The following NCALD variants were observed in gnomAD, a reference collection of about 807,000 sequenced individuals.
NCALD encodes the protein neurocalcin-delta.
In NCALD, 10 loss-of-function variants were observed where a neutral mutation model predicts 18.6. The ratio of observed to expected loss-of-function variants is 0.54; its 90% CI spans 0.33 to 0.91. The LOEUF is 0.91. Ranked by LOEUF, NCALD falls within the 40% of genes least tolerant of loss-of-function variation. The probability of loss-of-function intolerance (pLI) is 0.03; values close to 1 mark genes in which losing one functional copy is unlikely to be tolerated. For synonymous variants in NCALD, 88 were observed against 87.4 expected, an observed-to-expected ratio of 1.01 and a Z score of -0.04; for missense variants, 184 against 247.6, an observed-to-expected ratio of 0.74 and a Z score of 1.72.
chr8:102,036,842 ACACT>A (rs1232546918), intron 1 of NCALD, among the ~76,000 whole-genome samples: 1 of 152,154 alleles, frequency 6.6e-6, no homozygotes, highest in African/African-American at 2.4e-5. Context: ...GGGGAAACAG[ACACT>A]CAATACCACA....
chr8:101,924,067 C>T (rs1818257713), intron 2 of NCALD, among the ~76,000 whole-genome samples: 1 of 152,144 alleles, frequency 6.6e-6, no homozygotes. Flanking sequence ...CAGCCTAGGC[C>T]TCCCAACTTC....
At chr8:101,933,967 G>A (rs575485) in intron 2 of NCALD, among the ~76,000 whole-genome samples, 27,384 of 152,072 alleles carry the variant, frequency 0.18, 2,583 homozygotes, top group East Asian at 0.26. Flanking sequence ...AAGGGGATTT[G>A]ATATGCAAAT....
At chr8:101,698,849 C>G (rs1316224142) in intron 2 of NCALD, among the ~76,000 whole-genome samples, 1 of 152,094 alleles carries the variant, frequency 6.6e-6, no homozygotes, top group African/African-American at 2.4e-5. Flanking sequence ...CTAGGCAATA[C>G]CATTCAGGAC....
rs562512623 is a variant in NCALD, at chr8:101,828,550, A to C, written c.-20+58591T>G. Among the ~76,000 whole-genome samples, 33 of 107,742 alleles carry C rather than the reference A, an allele frequency of 3.1e-4. 1 individual carries two copies. The South Asian group carries it at 9.6e-3, about 31-fold the overall frequency. 70.7% of individuals were successfully genotyped at this position (107,742 alleles called of 152,430 possible). ...TGCAATGTATTCCTTGGCACTCCCT[A>C]ATTTCCTTCTTTTTTTTTTTTGCCC... is the stretch of plus-strand genomic sequence containing the variant. On this transcript the variant is annotated intron_variant, in intron 4 of 6. Coordinates refer to the NCALD transcript ENST00000311028.
chr8:101,931,494 A>G (rs1289469404), intron 2 of NCALD, among the ~76,000 whole-genome samples: 2 of 152,230 alleles, frequency 1.3e-5, no homozygotes, highest in Non-Finnish European at 2.9e-5. Context: ...ACACTCAAGT[A>G]AAACGTGTGC....
chr8:101,707,458 G>A (rs1212685659), intron 2 of NCALD, among the ~76,000 whole-genome samples: 1 of 152,162 alleles, frequency 6.6e-6, no homozygotes, highest in African/African-American at 2.4e-5. Context: ...TCATCTGGCT[G>A]CTGTATAGAT....
At chr8:101,908,653 C>T (rs1817690652) in intron 3 of NCALD, among the ~76,000 whole-genome samples, 2 of 152,146 alleles carry the variant, frequency 1.3e-5, no homozygotes, top group Admixed American at 6.5e-5. Flanking sequence ...AAGCACTGAG[C>T]ATGTACTCAT....
chr8:102,096,188 A>G (rs947167182), intron 1 of NCALD, among the ~76,000 whole-genome samples: 3 of 152,208 alleles, frequency 2.0e-5, no homozygotes, highest in Non-Finnish European at 4.4e-5. Context: ...CAGGCTGAAG[A>G]GCAAAGATCA....
At chr8:102,002,100 A>C (rs1821496758) in intron 2 of NCALD, among the ~76,000 whole-genome samples, 1 of 152,248 alleles carries the variant, frequency 6.6e-6, no homozygotes, top group Non-Finnish European at 1.5e-5. Flanking sequence ...TAAAGAGTCA[A>C]GACCCATCAG....
intron 1 of NCALD, among the ~76,000 whole-genome samples, chr8:101,779,015 C>A (rs1412504977): frequency 1.3e-5 from 2 of 152,108 alleles, no homozygotes; most frequent in African/African-American, 4.8e-5. Flanking sequence ...ATCAAAATGG[C>A]AGCAGACTCT....
At chr8:102,046,424 C>G (rs1449897427) in intron 1 of NCALD, among the ~76,000 whole-genome samples, 1 of 152,164 alleles carries the variant, frequency 6.6e-6, no homozygotes, top group Admixed American at 6.5e-5. Context: ...ATTAATTTTA[C>G]CAGCTAGATA....
At chr8:101,839,745 C>T (rs1814563124) in intron 4 of NCALD, among the ~76,000 whole-genome samples, 1 of 151,860 alleles carries the variant, frequency 6.6e-6, no homozygotes, top group Non-Finnish European at 1.5e-5. Flanking sequence ...TAAATCAAGC[C>T]GAGGAGGTGG....
At chr8:101,698,036 C>T (rs1444684646) in intron 2 of NCALD, among the ~76,000 whole-genome samples, 1 of 152,120 alleles carries the variant, frequency 6.6e-6, no homozygotes, top group Non-Finnish European at 1.5e-5. Context: ...TTAGAAAACC[C>T]CATCATCTCA....
At chr8:102,003,354 C>A (rs569301743) in intron 2 of NCALD, among the ~76,000 whole-genome samples, 3 of 152,324 alleles carry the variant, frequency 2.0e-5, no homozygotes, top group Admixed American at 6.5e-5. Context: ...TCTGAATAGT[C>A]CAATAACAGG....
chr8:101,823,013 T>A (rs1190171303), intron 4 of NCALD, among the ~76,000 whole-genome samples: 1 of 152,198 alleles, frequency 6.6e-6, no homozygotes, highest in Non-Finnish European at 1.5e-5. Context: ...ATCAGAATCA[T>A]ATTCGACCCA....
chr8:101,689,999 A>T lies in NCALD; in HGVS notation c.485-593T>A, dbSNP rs1171234709. 6.6e-6 allele frequency among the ~76,000 whole-genome samples: 1 copy of T among 152,194 alleles called. No homozygotes were observed. Among genetic ancestry groups the T allele is most frequent in the Non-Finnish European group, 1.5e-5 (1 of 68,038 alleles). ...GTGCCTCCATCTGAGGTCAGGGAAGAGCAGGGTATGTTCAAGGCAGAGGGT... is the reference window on the plus strand; with the variant it reads ...GTGCCTCCATCTGAGGTCAGGGAAGTGCAGGGTATGTTCAAGGCAGAGGGT... On this transcript the variant is annotated intron_variant, in intron 3 of 3. Transcript: ENST00000220931. This position sits in a 1 kb window ranked among gnomAD's most constrained non-coding sequence, Gnocchi z 4.4.
At chr8:101,860,821 G>A (rs1687748457) in intron 4 of NCALD, among the ~76,000 whole-genome samples, 4 of 152,186 alleles carry the variant, frequency 2.6e-5, no homozygotes, top group Middle Eastern at 3.4e-3. Context: ...TTGAAAAATC[G>A]AGAAACAGCA....
chr8:101,815,164 A>G (rs1813445497), intron 4 of NCALD, among the ~76,000 whole-genome samples: 1 of 152,148 alleles, frequency 6.6e-6, no homozygotes, highest in Non-Finnish European at 1.5e-5. Context: ...TAGCCAGCCA[A>G]CATTGAAGGA....
At chr8:102,024,574 G>T (rs1822389405) in intron 1 of NCALD, among the ~76,000 whole-genome samples, 1 of 152,082 alleles carries the variant, frequency 6.6e-6, no homozygotes, top group Admixed American at 6.5e-5. Context: ...TCATCACATA[G>T]CCAGGAGCCT....
Sources: allele counts gnomAD v4.1 joint callset (sites outside exome capture counted in the v4.1 genomes callset), GRCh38; gene constraint gnomAD v4.1.1; non-coding constraint Gnocchi (gnomAD v3.1); transcripts MANE v1.5; gene names NCBI Gene and HGNC (gene_info 2026-07-23, HGNC 2026-07-21).